Variants in SLC35F2 observed in about 807,000 individuals in gnomAD.
SLC35F2 encodes solute carrier family 35 member F2, also known as queuine/queuosine transporter SLC35F2.
Under a neutral mutation model 38.1 loss-of-function variants are expected in SLC35F2, and 25 were observed. The ratio of observed to expected loss-of-function variants is 0.66; its 90% CI spans 0.48 to 0.92. The LOEUF is 0.92. SLC35F2 is among the 40% of genes least tolerant of loss of function. The pLI, the probability that SLC35F2 is intolerant of heterozygous loss-of-function variation, is 0.00. For synonymous variants in SLC35F2, 173 were observed against 181.7 expected, an observed-to-expected ratio of 0.95 and a Z score of 0.38; for missense variants, 409 against 452.9, an observed-to-expected ratio of 0.90 and a Z score of 0.88.
intron 1 of SLC35F2, among the ~76,000 whole-genome samples, chr11:107,844,364 C>A (rs1300490697): frequency 2.6e-5 from 4 of 151,894 alleles, no homozygotes; most frequent in African/African-American, 9.7e-5. Flanking sequence ...ACGGTGGCTC[C>A]CGCCTATAAT....
intron 1 of SLC35F2, among the ~76,000 whole-genome samples, chr11:107,831,027 G>A (rs1387522192): frequency 6.6e-6 from 1 of 152,080 alleles, no homozygotes; most frequent in African/African-American, 2.4e-5. Context: ...TAGGTCACAA[G>A]CTCCTAAAAG....
At chr11:107,818,405 AAAAAG>A (rs144313750) in intron 1 of SLC35F2, among the ~76,000 whole-genome samples, 8,372 of 152,288 alleles carry the variant, frequency 0.055, 452 homozygotes, top group African/African-American at 0.14. Flanking sequence ...CAAAAAAGAA[AAAAAG>A]AAAAGAAACA....
At chr11:107,850,682 C>T (rs1230659178) in intron 1 of SLC35F2, among the ~76,000 whole-genome samples, 2 of 150,050 alleles carry the variant, frequency 1.3e-5, no homozygotes, top group African/African-American at 2.5e-5. Context: ...ATTAGCCGAA[C>T]GTGGTGGCAG....
intron 1 of SLC35F2, among the ~76,000 whole-genome samples, chr11:107,858,265 C>T (rs980683531): frequency 1.3e-5 from 2 of 152,210 alleles, no homozygotes; most frequent in African/African-American, 4.8e-5. Context: ...GGAATGAGGG[C>T]GCCGGCGCCA....
intron 1 of SLC35F2, among the ~76,000 whole-genome samples, chr11:107,855,108 T>C (rs938009512): frequency 1.3e-5 from 2 of 152,176 alleles, no homozygotes; most frequent in African/African-American, 4.8e-5. Context: ...AAAATCCAAG[T>C]GCTTGGATGG....
At chr11:107,839,004 G>T (rs1192066341) in intron 1 of SLC35F2, among the ~76,000 whole-genome samples, 16 of 152,296 alleles carry the variant, frequency 1.1e-4, no homozygotes, top group Non-Finnish European at 2.1e-4. Context: ...TTGAAAAATA[G>T]TTGTAACAGT....
At chr11:107,801,793 T>G (rs944950432) in intron 7 of SLC35F2, among the ~76,000 whole-genome samples, 1 of 152,106 alleles carries the variant, frequency 6.6e-6, no homozygotes, top group Non-Finnish European at 1.5e-5. Context: ...AATAATGAAA[T>G]TAAGGTGGAA....
chr11:107,808,003 A>C (rs996559352), intron 3 of SLC35F2, among the ~76,000 whole-genome samples: 4 of 152,250 alleles, frequency 2.6e-5, no homozygotes, highest in African/African-American at 9.6e-5. Flanking sequence ...ATAGCGGTGA[A>C]CAGGACAGAG....
At chr11:107,856,129 A>C (rs1860277579) in intron 1 of SLC35F2, among the ~76,000 whole-genome samples, 1 of 151,086 alleles carries the variant, frequency 6.6e-6, no homozygotes, top group African/African-American at 2.4e-5. Context: ...AAAAAGAAGA[A>C]GAAGAAAAGA....
rs537331363 is a variant in SLC35F2, at chr11:107,822,848, A to G, written c.111-6883T>C. Reference sequence around the variant, plus strand: ...GAAGGTTCACAGAGGAGTCAAAACAATCACACACCTGAAAGGTATTTTAGG... The same window carrying G: ...GAAGGTTCACAGAGGAGTCAAAACAGTCACACACCTGAAAGGTATTTTAGG... On this transcript the variant is annotated intron_variant, in intron 1 of 7. Transcript: ENST00000525815. Among the ~76,000 whole-genome samples the G allele has an allele frequency of 1.4e-4, 21 of 152,230 alleles. No homozygotes were observed. The East Asian group carries it at 3.5e-3, about 25-fold the overall frequency.
intron 2 of SLC35F2, among the ~76,000 whole-genome samples, chr11:107,815,158 T>C (rs73546817): frequency 0.03 from 4,513 of 152,152 alleles, 210 homozygotes; most frequent in African/African-American, 0.1. Context: ...AGTAAATATT[T>C]TGGAGAGTAA....
chr11:107,840,331 C>CT (rs1320913723), intron 1 of SLC35F2, among the ~76,000 whole-genome samples: 3 of 152,342 alleles, frequency 2.0e-5, no homozygotes, highest in East Asian at 3.9e-4. Context: ...AACCCTCCCT[C>CT]TGCCCATCCC....
Position 107,792,223 on chromosome 11 carries a change from C to T in SLC35F2, c.*392G>A, listed in dbSNP as rs74648706. On this transcript the variant is annotated 3_prime_UTR_variant, in exon 8 of 8. Transcript: ENST00000525815. ...CAGAGGAAACGTACTCCAGAGCCACCGTGAGCTGCCCCTGTTCCTGACCAC... is the reference window on the plus strand; with the variant it reads ...CAGAGGAAACGTACTCCAGAGCCACTGTGAGCTGCCCCTGTTCCTGACCAC... 2 of 161,630 alleles carry T rather than the reference C, an allele frequency of 1.2e-5. No homozygotes were observed. The highest frequency in any genetic ancestry group is 2.7e-5 in the Non-Finnish European group (2 of 75,346). 10.0% of individuals were successfully genotyped at this position (161,630 alleles called of 1,614,324 possible). A position where few individuals can be genotyped will look rare whatever the true frequency, so the allele number is the denominator to read the frequency against.
chr11:107,802,238 A>AAAAAAAAAAAAAAATAAAT (rs1859319646), intron 7 of SLC35F2, among the ~76,000 whole-genome samples: 1 of 112,870 alleles, frequency 8.9e-6, no homozygotes, highest in Non-Finnish European at 1.7e-5. Context: ...ACTCCATCTC[A>AAAAAAAAAAAAAAATAAAT]AAAAAAATAA....
intron 7 of SLC35F2, among the ~76,000 whole-genome samples, chr11:107,798,837 A>T (rs1009242856): frequency 2.0e-5 from 3 of 152,182 alleles, no homozygotes; most frequent in African/African-American, 7.2e-5. Context: ...GCACTTTGGG[A>T]GGCAGAGGCA....
intron 3 of SLC35F2, among the ~76,000 whole-genome samples, chr11:107,809,282 G>C (rs1317827231): frequency 7.0e-6 from 1 of 142,434 alleles, no homozygotes; most frequent in South Asian, 2.2e-4. Flanking sequence ...TCAGGAGTTC[G>C]AGACCAGCCT....
At chr11:107,856,828 C>T (rs1468365053) in intron 1 of SLC35F2, among the ~76,000 whole-genome samples, 1 of 103,718 alleles carries the variant, frequency 9.6e-6, no homozygotes, top group East Asian at 3.1e-4. Flanking sequence ...AGAGGGAGAC[C>T]GGAGCACAGA....
At chr11:107,793,856 G>A (rs1218714324) in intron 7 of SLC35F2, among the ~76,000 whole-genome samples, 1 of 152,066 alleles carries the variant, frequency 6.6e-6, no homozygotes, top group Non-Finnish European at 1.5e-5. Context: ...TAAAAGTATG[G>A]ATGGAGTTTT....
chr11:107,856,672 G>C (rs1433687576), intron 1 of SLC35F2, among the ~76,000 whole-genome samples: 1 of 152,062 alleles, frequency 6.6e-6, no homozygotes, highest in Non-Finnish European at 1.5e-5. Flanking sequence ...ACTCAGGCCT[G>C]GGTGACAGAA....
Sources: allele counts gnomAD v4.1 joint callset (sites outside exome capture counted in the v4.1 genomes callset), GRCh38; gene constraint gnomAD v4.1.1; transcripts MANE v1.5; gene names NCBI Gene and HGNC (gene_info 2026-07-23, HGNC 2026-07-21).